The following ATOSA variants were observed in gnomAD, a reference collection of about 807,000 sequenced individuals.
ATOSA encodes atos homolog A.
the ATOSA span, among the ~76,000 whole-genome samples, chr15:52,602,155 G>C: frequency 6.6e-6 from 1 of 151,340 alleles, no homozygotes; most frequent in South Asian, 2.1e-4. Flanking sequence ...CTAAATATTT[G>C]TCTACTCACT....
At chr15:52,600,804 T>C in the ATOSA span, among the ~76,000 whole-genome samples, 2 of 151,694 alleles carry the variant, frequency 1.3e-5, no homozygotes, top group Non-Finnish European at 2.9e-5. Context: ...TTTTTTTTTT[T>C]TCCGTCAAAG....
the ATOSA span, among the ~76,000 whole-genome samples, chr15:52,673,776 T>C: frequency 3.3e-5 from 5 of 152,382 alleles, no homozygotes; most frequent in Middle Eastern, 3.4e-3. Context: ...TACATTTTTC[T>C]AGTCCTTAAC....
the ATOSA span, among the ~76,000 whole-genome samples, chr15:52,626,732 T>C: frequency 6.6e-6 from 1 of 151,874 alleles, no homozygotes; most frequent in South Asian, 2.1e-4. Context: ...AATTTGGGGA[T>C]TTATTTCCAA....
the ATOSA span, among the ~76,000 whole-genome samples, chr15:52,604,674 G>A: frequency 1.3e-5 from 2 of 152,208 alleles, no homozygotes; most frequent in Admixed American, 1.3e-4. Flanking sequence ...GGAATTCAGT[G>A]TGACTCCAAA....
At chr15:52,673,763 T>A in the ATOSA span, among the ~76,000 whole-genome samples, 1 of 152,264 alleles carries the variant, frequency 6.6e-6, no homozygotes, top group East Asian at 1.9e-4. Flanking sequence ...CTAATTGCTT[T>A]GCTACATTTT....
chr15:52,598,715 T>C, the ATOSA span: 1 of 151,850 alleles, frequency 6.6e-6, no homozygotes, highest in Non-Finnish European at 1.5e-5. Flanking sequence ...AAAAACTGTG[T>C]ACTGATCTTT....
chr15:52,650,707 A>G, the ATOSA span, among the ~76,000 whole-genome samples: 1 of 152,186 alleles, frequency 6.6e-6, no homozygotes, highest in East Asian at 1.9e-4. Context: ...AGAGATAACA[A>G]AGCCCTAATA....
At chr15:52,654,227 T>G in the ATOSA span, among the ~76,000 whole-genome samples, 1 of 152,118 alleles carries the variant, frequency 6.6e-6, no homozygotes, top group Non-Finnish European at 1.5e-5. Flanking sequence ...TCACAACATG[T>G]AATTATAAAT....
chr15:52,642,614 C>G, the ATOSA span, among the ~76,000 whole-genome samples: 9 of 152,132 alleles, frequency 5.9e-5, no homozygotes, highest in Non-Finnish European at 1.0e-4. Flanking sequence ...CCAACTGTAG[C>G]TGTTTTGCTT....
At chr15:52,608,525 C>CAAAATTTAAACAT in the ATOSA span, 1 of 1,513,738 alleles carries the variant, frequency 6.6e-7, no homozygotes, top group Non-Finnish European at 8.8e-7. Context: ...TAAACCATAA[C>CAAAATTTAAACAT]AAATATTTGA....
At chr15:52,634,455 C>T in the ATOSA span, among the ~76,000 whole-genome samples, 1 of 151,292 alleles carries the variant, frequency 6.6e-6, no homozygotes, top group South Asian at 2.1e-4. Context: ...TTGTAAATAG[C>T]GGATTTAAGC....
the ATOSA span, among the ~76,000 whole-genome samples, chr15:52,618,014 CT>C: frequency 6.8e-6 from 1 of 147,058 alleles, no homozygotes; most frequent in East Asian, 2.0e-4. Context: ...CAAAGCCTGG[CT>C]AAAAACTCAT....
At chr15:52,659,967 C>T in the ATOSA span, among the ~76,000 whole-genome samples, 2 of 152,140 alleles carry the variant, frequency 1.3e-5, no homozygotes, top group South Asian at 4.1e-4. Flanking sequence ...AGGCATAAAC[C>T]AGGATCATCC....
chr15:52,611,495 G>T, the ATOSA span: 14 of 1,426,902 alleles, frequency 9.8e-6, no homozygotes, highest in Non-Finnish European at 1.2e-5. Flanking sequence ...TCAAAGACAT[G>T]ATACATTAAA....
the ATOSA span, among the ~76,000 whole-genome samples, chr15:52,664,877 G>A: frequency 6.7e-6 from 1 of 149,994 alleles, no homozygotes; most frequent in African/African-American, 2.5e-5. Context: ...GTTCAAGGGT[G>A]TAGTGACCTA....
the ATOSA span, among the ~76,000 whole-genome samples, chr15:52,630,075 G>A: frequency 1.3e-5 from 2 of 152,148 alleles, no homozygotes; most frequent in Non-Finnish European, 2.9e-5. Context: ...TTTCCTGTGT[G>A]TTCTGAACAA....
At chr15:52,694,166 ATATT>A in the ATOSA span, among the ~76,000 whole-genome samples, 7 of 109,204 alleles carry the variant, frequency 6.4e-5, no homozygotes, top group South Asian at 2.1e-3. Context: ...AGATATATAT[ATATT>A]TTTTTTTTTT....
At chr15:52,706,414 T>C in the ATOSA span, among the ~76,000 whole-genome samples, 677 of 152,336 alleles carry the variant, frequency 4.4e-3, 7 homozygotes, top group East Asian at 0.017. Context: ...GGCATGGCTT[T>C]AGCAATTCAG....
chr15:52,675,925 A>C, the ATOSA span, among the ~76,000 whole-genome samples: 1 of 151,338 alleles, frequency 6.6e-6, no homozygotes, highest in Non-Finnish European at 1.5e-5. Context: ...AAAGAAAAAG[A>C]AAAAAAAAGA....
Sources: gnomAD v4.1 joint callset for allele counts (sites outside exome capture counted in the v4.1 genomes callset) on GRCh38, gnomAD v4.1.1 for gene constraint, MANE v1.5 for transcripts, NCBI Gene and HGNC (gene_info 2026-07-23, HGNC 2026-07-21) for gene names.